CUEDC1: variants seen among roughly 807,000 people sequenced by gnomAD.
CUEDC1 encodes CUE domain containing 1, also known as CUE domain-containing protein 1.
A neutral mutation model predicts 43.7 loss-of-function variants in CUEDC1; 30 were observed. The observed-to-expected ratio is 0.69, with a 90% CI of 0.51 to 0.93. The LOEUF is 0.93. Among genes scored for constraint, CUEDC1 ranks in the 40% least tolerant of loss-of-function variants. The probability of loss-of-function intolerance (pLI) is 0.00; values close to 1 mark genes in which losing one functional copy is unlikely to be tolerated. For missense variants in CUEDC1, 486 were observed against 549.0 expected (o/e 0.89, Z 1.15); for synonymous variants, 223 against 223.6 (o/e 1.00, Z 0.02).
intron 1 of CUEDC1, among the ~76,000 whole-genome samples, chr17:57,890,275 G>A (rs2144979472): frequency 6.6e-6 from 1 of 152,326 alleles, no homozygotes. Flanking sequence ...TCAGGAGACT[G>A]GGCACAGCCC....
chr17:57,934,890 TAGAGAC>T (rs1486220189), intron 1 of CUEDC1, among the ~76,000 whole-genome samples: 1 of 152,098 alleles, frequency 6.6e-6, no homozygotes, highest in Non-Finnish European at 1.5e-5. Flanking sequence ...GTATTTTTAA[TAGAGAC>T]AGGGTTTCGC....
intron 1 of CUEDC1, among the ~76,000 whole-genome samples, chr17:57,935,242 G>A (rs1481500709): frequency 6.6e-6 from 1 of 152,168 alleles, no homozygotes; most frequent in African/African-American, 2.4e-5. Context: ...ATGACAACAG[G>A]ATGAGCAATC....
At position 57,886,504 on chromosome 17, in the gene CUEDC1, G is replaced by A. The variant is rs560380318; in HGVS notation, c.-315-625C>T. Among the ~76,000 whole-genome samples the A allele has an allele frequency of 2.6e-5, 4 of 152,312 alleles. No individual in the cohort carries two copies. The South Asian group carries it at 8.3e-4, about 32-fold the overall frequency. On this transcript the variant is annotated intron_variant, in intron 1 of 10. Coordinates refer to ENST00000577830, the MANE Select transcript of CUEDC1 (RefSeq NM_001271875.2). ...CACCGGGAGCTTCCAGCCTGAGAGA[G>A]GAAACAGGGTTTCATCCTTGCAGAG...
Position 57,861,266 on chromosome 17 carries a change from A to G in CUEDC1, c.*2023T>C, listed in dbSNP as rs2073866936. The G allele has an allele frequency of 6.6e-6, 1 of 152,252 alleles. No homozygotes were observed. The highest frequency in any genetic ancestry group is 1.5e-5 in the Non-Finnish European group (1 of 68,082). The allele number at this position is 152,252 out of a possible 1,614,324, so 9.4% of individuals were successfully genotyped here. A position where few individuals can be genotyped will look rare whatever the true frequency, so the allele number is the denominator to read the frequency against. ...TCTGCCTTTAATCCAGAAGCTGTTT[A>G]TTTAGGGAGGTGGCCGTCTGGAGCT... On this transcript the variant is annotated 3_prime_UTR_variant, in exon 11 of 11. Coordinates refer to ENST00000577830, the MANE Select transcript of CUEDC1 (RefSeq NM_001271875.2).
At chr17:57,925,827 A>G (rs764565761) in intron 1 of CUEDC1, among the ~76,000 whole-genome samples, 24 of 152,212 alleles carry the variant, frequency 1.6e-4, no homozygotes, top group Non-Finnish European at 2.8e-4. Flanking sequence ...CACTAATTAC[A>G]GGGCCGTCCT....
chr17:57,874,772 G>A (rs545789229), intron 3 of CUEDC1, among the ~76,000 whole-genome samples: 1 of 152,154 alleles, frequency 6.6e-6, no homozygotes, highest in East Asian at 1.9e-4. Context: ...AATCCCGCCC[G>A]CCCCCTCACT....
At chr17:57,885,112 T>A in intron 2 of CUEDC1, 117 bp downstream of exon 2, 1 of 1,446,306 alleles carries the variant, frequency 6.9e-7, no homozygotes, top group Non-Finnish European at 9.1e-7. Flanking sequence ...GATAGCGGAG[T>A]AACCCAGGTC....
At chr17:57,896,638 C>A (rs2074413356) in intron 1 of CUEDC1, among the ~76,000 whole-genome samples, 1 of 151,558 alleles carries the variant, frequency 6.6e-6, no homozygotes, top group Non-Finnish European at 1.5e-5. Context: ...TCTTGTATAC[C>A]TCTAAAATTT....
Position 57,866,172 on chromosome 17 carries a change from C to T in CUEDC1, c.*3+302G>A, listed in dbSNP as rs1037733125. 9.2e-5 allele frequency among the ~76,000 whole-genome samples: 14 copies of T among 152,338 alleles called. No individual in the cohort carries two copies. The South Asian group carries it at 2.9e-3, about 32-fold the overall frequency. ...GTGTGCTACGTGTGTCCTGGACTGT[C>T]TTCTCAACTGGACTGTAAACTCTTC... is the stretch of plus-strand genomic sequence containing the variant. On this transcript the variant is annotated intron_variant, in intron 10 of 10. Coordinates refer to ENST00000577830, the MANE Select transcript of CUEDC1 (RefSeq NM_001271875.2).
intron 1 of CUEDC1, among the ~76,000 whole-genome samples, chr17:57,911,459 T>C (rs148032450): frequency 6.6e-6 from 1 of 152,288 alleles, no homozygotes; most frequent in African/African-American, 2.4e-5. Context: ...ACCTGCTGTC[T>C]TGTGTGGCTG....
intron 1 of CUEDC1, among the ~76,000 whole-genome samples, chr17:57,922,928 T>C (rs2143116611): frequency 6.6e-6 from 1 of 151,606 alleles, no homozygotes; most frequent in East Asian, 1.9e-4. Context: ...CAGGCTGCAG[T>C]ACAGTGGCAT....
intron 4 of CUEDC1, among the ~76,000 whole-genome samples, chr17:57,873,361 G>A (rs1023048447): frequency 6.6e-6 from 1 of 152,184 alleles, no homozygotes; most frequent in African/African-American, 2.4e-5. Flanking sequence ...TGCTGCAGCA[G>A]ACAGCCTCCT....
At chr17:57,883,316 A>G (rs2074241959) in intron 2 of CUEDC1, among the ~76,000 whole-genome samples, 1 of 152,224 alleles carries the variant, frequency 6.6e-6, no homozygotes, top group African/African-American at 2.4e-5. Flanking sequence ...CCTCTAGGGG[A>G]AGTCTCAGCA....
chr17:57,895,702 C>T (rs141299382), intron 1 of CUEDC1, among the ~76,000 whole-genome samples: 1 of 152,312 alleles, frequency 6.6e-6, no homozygotes, highest in Non-Finnish European at 1.5e-5. Flanking sequence ...TGTCCCCCTG[C>T]CCCTCCCCTC....
chr17:57,913,601 G>A (rs747720142), intron 1 of CUEDC1, among the ~76,000 whole-genome samples: 7 of 152,288 alleles, frequency 4.6e-5, no homozygotes, highest in Admixed American at 1.3e-4. Flanking sequence ...GGCTGCAGGG[G>A]CTGTAAAGCA....
chr17:57,864,709 C>T (rs2073931558), intron 10 of CUEDC1, among the ~76,000 whole-genome samples: 1 of 151,958 alleles, frequency 6.6e-6, no homozygotes, highest in Admixed American at 6.6e-5. Flanking sequence ...AGGAGGATGT[C>T]AACTTGCAGA....
chr17:57,928,483 C>G (rs1262144398), intron 1 of CUEDC1, among the ~76,000 whole-genome samples: 1 of 146,140 alleles, frequency 6.8e-6, no homozygotes, highest in Non-Finnish European at 1.5e-5. Context: ...CAGAAGGTGG[C>G]GCTTACAGTG....
chr17:57,874,647 G>A (rs1179732915), intron 3 of CUEDC1, among the ~76,000 whole-genome samples: 2 of 152,212 alleles, frequency 1.3e-5, no homozygotes, highest in Non-Finnish European at 2.9e-5. Context: ...GGCAACCGCA[G>A]GACACGTGTT....
intron 1 of CUEDC1, among the ~76,000 whole-genome samples, chr17:57,934,527 A>T (rs2074840646): frequency 7.1e-6 from 1 of 141,210 alleles, no homozygotes; most frequent in South Asian, 2.3e-4. Flanking sequence ...ACTGTACTCC[A>T]GCCTAGGCAA....
Sources: allele counts gnomAD v4.1 joint callset (sites outside exome capture counted in the v4.1 genomes callset), GRCh38; gene constraint gnomAD v4.1.1; transcripts MANE v1.5; gene names NCBI Gene and HGNC (gene_info 2026-07-23, HGNC 2026-07-21).